Variants in AP3D1 observed in about 807,000 individuals in gnomAD.
The protein encoded by AP3D1 is AP-3 complex subunit delta-1.
A neutral mutation model predicts 147.6 loss-of-function variants in AP3D1; 51 were observed. That is an observed-to-expected ratio of 0.35 (90% CI 0.28 to 0.44). The LOEUF (loss-of-function observed/expected upper bound fraction) is 0.44. Ranked by LOEUF, AP3D1 falls within the 20% of genes least tolerant of loss-of-function variation. The pLI, the probability that AP3D1 is intolerant of heterozygous loss-of-function variation, is 1.00. For synonymous variants in AP3D1, 760 were observed against 663.0 expected (o/e 1.15, Z -2.25); for missense variants, 1,421 against 1,624.2 (o/e 0.87, Z 2.15).
intron 1 of AP3D1, among the ~76,000 whole-genome samples, chr19:2,157,909 TG>T (rs2144601067): frequency 6.6e-6 from 1 of 152,336 alleles, no homozygotes; most frequent in Non-Finnish European, 1.5e-5. Flanking sequence ...GAGAGGAGAC[TG>T]GCAAGGATAG....
At chr19:2,135,253 A>T (rs1230228585) in intron 4 of AP3D1, among the ~76,000 whole-genome samples, 6 of 151,464 alleles carry the variant, frequency 4.0e-5, no homozygotes, top group Non-Finnish European at 5.9e-5. Context: ...AAACAAAATG[A>T]GGCCAGGCAC....
At chr19:2,149,170 T>C (rs1384453677) in intron 1 of AP3D1, among the ~76,000 whole-genome samples, 5 of 152,148 alleles carry the variant, frequency 3.3e-5, no homozygotes, top group Non-Finnish European at 5.9e-5. Flanking sequence ...ACACTGCGTG[T>C]CCTGCCTGAA....
intron 27 of AP3D1, 62 bp downstream of exon 27, chr19:2,110,645 T>G (rs2018244886): frequency 1.4e-6 from 2 of 1,470,106 alleles, no homozygotes; most frequent in Non-Finnish European, 1.8e-6. Context: ...ATCCGGGCAG[T>G]CACCAGCTGC....
At chr19:2,106,332 C>T (rs999849231) in intron 31 of AP3D1, among the ~76,000 whole-genome samples, 12 of 151,958 alleles carry the variant, frequency 7.9e-5, no homozygotes, top group South Asian at 2.1e-4. Context: ...GCAGATCACC[C>T]GGGGTCAGGA....
Position 2,102,260 on chromosome 19 carries a change from G to C in AP3D1, c.3561C>G (p.Asn1187Lys), listed in dbSNP as rs200928035. The change falls in exon 32 of 32, where the codon AAC becomes AAG. Residue 1187 changes from asparagine (N) to lysine (K), a missense_variant. Coordinates refer to ENST00000643116, the MANE Select transcript of AP3D1 (RefSeq NM_001261826.3). ...TGCACTTCCCGTCGACTGAGACAGA[G>C]TTCTCACCCTGTGTAAGGAAAAAAG... is the stretch of plus-strand genomic sequence containing the variant. The part of the protein sequence containing the change: ...HVCLLVKKGE[N>K]SVSVDGKCSD... 2 of 1,612,898 alleles carry C rather than the reference G, an allele frequency of 1.2e-6. No homozygotes were observed. The highest frequency in any genetic ancestry group is 2.2e-5 in the East Asian group (1 of 44,870).
intron 1 of AP3D1, among the ~76,000 whole-genome samples, chr19:2,163,147 C>T (rs947037666): frequency 2.0e-5 from 3 of 152,130 alleles, no homozygotes; most frequent in African/African-American, 2.4e-5. Context: ...AATATCGGCT[C>T]ACTGCAACCT....
intron 10 of AP3D1, 104 bp downstream of exon 10, chr19:2,123,726 G>A (rs1568289737): frequency 1.4e-6 from 2 of 1,383,752 alleles, no homozygotes; most frequent in Non-Finnish European, 2.0e-6. Context: ...AGATGGCGTG[G>A]GGGGACCAGC....
rs2018466284 is a variant in AP3D1 at position 2,116,757 on chromosome 19, CA to C, written c.1860-12del. The C allele has an allele frequency of 6.2e-7, 1 of 1,601,568 alleles. No individual in the cohort carries two copies. Among genetic ancestry groups the C allele is most frequent in the Non-Finnish European group, 8.5e-7 (1 of 1,174,160 alleles). On this transcript the variant is annotated splice_polypyrimidine_tract_variant and intron_variant, in intron 16 of 31. Transcript: ENST00000643116. ...GCGTCCAGGTCCAGGCTGCACCGGA[CA>C]GGAGGGCCACACAAGGCAGTGTGTG... is the stretch of plus-strand genomic sequence containing the variant.
chr19:2,157,441 CAAAAAA>C lies in AP3D1; in HGVS notation c.-103+6909_-103+6914del, dbSNP rs137939397. Among the ~76,000 whole-genome samples the C allele has an allele frequency of 3.4e-4, 34 of 101,174 alleles. 1 individual carries two copies. Among genetic ancestry groups the C allele is most frequent in the African/African-American group, 1.8e-3 (30 of 17,076 alleles). 66.4% of individuals were successfully genotyped at this position (101,174 alleles called of 152,430 possible). Reference sequence around the variant, plus strand: ...TGGGCGACAGAGCGAGACTCCGTCTCAAAAAAAAAAAAAAAAAAAGAAAAAAACAAA... The same window carrying C: ...TGGGCGACAGAGCGAGACTCCGTCTCAAAAAAAAAAAAAGAAAAAAACAAA... On this transcript the variant is annotated intron_variant, in intron 1 of 14. Transcript: ENST00000643010.
Position 2,137,804 on chromosome 19 carries a change from G to A in AP3D1, c.196C>T (p.Gln66Ter), listed in dbSNP as rs780432332. 6.2e-7 allele frequency: 1 copy of A among 1,613,784 alleles called. No homozygotes were observed. Residue 66 changes from glutamine to a stop codon, truncating the protein, a stop_gained, in exon 3 of 32, where the codon CAG becomes TAG. Coordinates refer to ENST00000643116, the MANE Select transcript of AP3D1 (RefSeq NM_001261826.3). LOFTEE classifies it high-confidence loss of function. ...CAGCTGATGTCGTATCCCAACATCTGTAACTGTTAAGGGACGCACAGGAAA... is the reference window on the plus strand; with the variant it reads ...CAGCTGATGTCGTATCCCAACATCTATAACTGTTAAGGGACGCACAGGAAA... The part of the protein sequence containing the change: ...ANAVCKLTYL[Q>*]MLGYDISWAA...
chr19:2,111,337 A>C lies in AP3D1; in HGVS notation c.2938-5T>G. 6.2e-7 allele frequency: 1 copy of C among 1,613,968 alleles called. No individual in the cohort carries two copies. Among genetic ancestry groups the C allele is most frequent in the Non-Finnish European group, 8.5e-7 (1 of 1,180,014 alleles). ...GAGGGAGTAGCTGGACTCAGGCTGG[A>C]AATAGAAAAGGCGCATCAGCCTTGG... On this transcript the variant is annotated splice_region_variant and splice_polypyrimidine_tract_variant and intron_variant, in intron 25 of 31. Transcript: ENST00000643116.
chr19:2,111,381 C>T, intron 25 of AP3D1, 49 bp from the exon 26 acceptor site: 1 of 1,606,656 alleles, frequency 6.2e-7, no homozygotes, highest in Non-Finnish European at 8.5e-7. Flanking sequence ...AGCTCCGTCT[C>T]AGCGAAGACT....
rs893261471 is a variant in AP3D1, at chr19:2,116,928, A to G, written c.1860-182T>C. Reference sequence around the variant, plus strand: ...CCTTAAGAGGACGCAGGGACCCAGGAAGACTGCGGCAGGGTCACAGTGGGG... The same window carrying G: ...CCTTAAGAGGACGCAGGGACCCAGGGAGACTGCGGCAGGGTCACAGTGGGG... On this transcript the variant is annotated intron_variant, in intron 16 of 31. Coordinates refer to ENST00000643116, the MANE Select transcript of AP3D1 (RefSeq NM_001261826.3). The G allele has an allele frequency of 3.2e-6, 3 of 926,378 alleles. No homozygotes were observed. In the African/African-American group the frequency reaches 5.0e-5, roughly 16 times the overall value. 57.4% of individuals were successfully genotyped at this position (926,378 alleles called of 1,614,324 possible).
At chr19:2,122,228 C>T (rs983860537) in intron 11 of AP3D1, among the ~76,000 whole-genome samples, 1 of 147,522 alleles carries the variant, frequency 6.8e-6, no homozygotes, top group African/African-American at 2.6e-5. Context: ...AGCAGATACC[C>T]TTGGCCCAAG....
At chr19:2,109,054 C>G (rs1007977379) in intron 30 of AP3D1, 32 bp downstream of exon 30, 1 of 1,604,524 alleles carries the variant, frequency 6.2e-7, no homozygotes, top group Non-Finnish European at 8.5e-7. Context: ...GTGAAAGCCC[C>G]GTGCAATCCA....
At chr19:2,159,109 C>T (rs544152839) in intron 1 of AP3D1, among the ~76,000 whole-genome samples, 42 of 152,260 alleles carry the variant, frequency 2.8e-4, no homozygotes, top group African/African-American at 9.4e-4. Context: ...CCTGCCTCAG[C>T]CTCCCGAGTA....
chr19:2,114,053 A>T, intron 22 of AP3D1, 72 bp downstream of exon 22: 1 of 1,497,336 alleles, frequency 6.7e-7, no homozygotes, highest in Admixed American at 2.4e-5. Flanking sequence ...CCCTGAGCTC[A>T]CCGCTGTCTC....
intron 27 of AP3D1, among the ~76,000 whole-genome samples, 192 bp downstream of exon 27, chr19:2,110,515 G>GCCTT: frequency 6.6e-6 from 1 of 152,156 alleles, no homozygotes; most frequent in East Asian, 1.9e-4. Flanking sequence ...ACTCTAGCCA[G>GCCTT]GTCCATCCGA....
Position 2,131,882 on chromosome 19 carries a change from G to A in AP3D1, c.462+589C>T, listed in dbSNP as rs566312319. 5.3e-4 allele frequency among the ~76,000 whole-genome samples: 80 copies of A among 152,128 alleles called. 8 individuals carry two copies. The highest frequency in any genetic ancestry group is 1.9e-3 in the African/African-American group (78 of 41,386). ...GGCCACGATCTAGACACCTCCGGGC[G>A]GACAGGCAGCCATGTGAGGACAGTG... is the stretch of plus-strand genomic sequence containing the variant. On this transcript the variant is annotated intron_variant, in intron 5 of 31. Transcript: ENST00000643116.
Sources: gnomAD v4.1 joint callset for allele counts (sites outside exome capture counted in the v4.1 genomes callset) on GRCh38, gnomAD v4.1.1 for gene constraint, MANE v1.5 for transcripts, NCBI Gene and HGNC (gene_info 2026-07-23, HGNC 2026-07-21) for gene names.